The following GRIP1 variants were observed in gnomAD, a reference collection of about 807,000 sequenced individuals.
GRIP1 encodes the protein glutamate receptor interacting protein 1, also known as glutamate receptor-interacting protein 1.
Under a neutral mutation model 129.9 loss-of-function variants are expected in GRIP1, and 45 were observed. The ratio of observed to expected loss-of-function variants is 0.35; its 90% confidence interval spans 0.27 to 0.44. The LOEUF (loss-of-function observed/expected upper bound fraction) is 0.44. Ranked by LOEUF, GRIP1 falls within the 20% of genes least tolerant of loss-of-function variation. The pLI, the probability that GRIP1 is intolerant of heterozygous loss-of-function variation, is 1.00. For missense variants in GRIP1, 1,196 were observed against 1,396.8 expected (o/e 0.86, Z 2.29); for synonymous variants, 530 against 520.8 (o/e 1.02, Z -0.24).
intron 12 of GRIP1, among the ~76,000 whole-genome samples, 180 bp downstream of exon 12, chr12:66,445,142 T>C (rs1247424240): frequency 6.6e-6 from 1 of 152,234 alleles, no homozygotes; most frequent in African/African-American, 2.4e-5. Flanking sequence ...GTTAAAGGCA[T>C]CCATGCTCAT....
intron 10 of GRIP1, 27 bp downstream of exon 10, chr12:66,456,160 C>A (rs772154207): frequency 1.6e-6 from 2 of 1,259,090 alleles, no homozygotes; most frequent in South Asian, 2.5e-5. Flanking sequence ...AAATAAAAGA[C>A]CAGGAGGAGA....
chr12:66,433,922 C>T (rs1339475160), intron 13 of GRIP1, among the ~76,000 whole-genome samples: 2 of 152,140 alleles, frequency 1.3e-5, no homozygotes, highest in African/African-American at 2.4e-5. Flanking sequence ...CACTCAGGCC[C>T]TTAGCTTAAT....
chr12:66,497,626 GT>G (rs2060270553), intron 7 of GRIP1, among the ~76,000 whole-genome samples: 1 of 152,190 alleles, frequency 6.6e-6, no homozygotes, highest in Non-Finnish European at 1.5e-5. Flanking sequence ...TGGAAGTGAT[GT>G]GAAGAGCAGA....
At chr12:66,941,562 T>A (rs1371604434) in intron 1 of GRIP1, among the ~76,000 whole-genome samples, 2 of 152,198 alleles carry the variant, frequency 1.3e-5, no homozygotes, top group Non-Finnish European at 2.9e-5. Context: ...TAAAGCTTTT[T>A]CTACTTCAAA....
At chr12:66,829,987 A>G (rs2039488191) in intron 1 of GRIP1, among the ~76,000 whole-genome samples, 1 of 152,164 alleles carries the variant, frequency 6.6e-6, no homozygotes, top group South Asian at 2.1e-4. Context: ...ACCTGGGTCT[A>G]TTTCCCAAGC....
chr12:66,815,603 A>G (rs1227969501), intron 1 of GRIP1, among the ~76,000 whole-genome samples: 1 of 152,018 alleles, frequency 6.6e-6, no homozygotes, highest in Non-Finnish European at 1.5e-5. Context: ...TCTACAAAAA[A>G]TAAAAGAAAA....
At chr12:66,787,502 C>T (rs1871552) in intron 1 of GRIP1, among the ~76,000 whole-genome samples, 2,126 of 152,190 alleles carry the variant, frequency 0.014, 41 homozygotes, top group African/African-American at 0.048. Flanking sequence ...ATGCTGAAAT[C>T]CTAAACCCTA....
chr12:66,598,113 T>C (rs780810325), intron 1 of GRIP1, among the ~76,000 whole-genome samples: 2 of 152,144 alleles, frequency 1.3e-5, no homozygotes, highest in African/African-American at 4.8e-5. Context: ...CTATTACATA[T>C]AACAAGGATT....
intron 2 of GRIP1, among the ~76,000 whole-genome samples, chr12:66,580,556 G>C (rs2063334165): frequency 6.6e-6 from 1 of 151,442 alleles, no homozygotes; most frequent in Non-Finnish European, 1.5e-5. Context: ...TAAAAGGATG[G>C]AGGAAGATCT....
At chr12:66,473,969 A>G (rs2059524505) in intron 7 of GRIP1, among the ~76,000 whole-genome samples, 1 of 152,170 alleles carries the variant, frequency 6.6e-6, no homozygotes, top group East Asian at 1.9e-4. Flanking sequence ...ACAAAACTGT[A>G]CAGAGAATGA....
chr12:66,560,430 G>T (rs1422646045), intron 2 of GRIP1, among the ~76,000 whole-genome samples: 2 of 151,818 alleles, frequency 1.3e-5, no homozygotes, highest in African/African-American at 2.4e-5. Flanking sequence ...TCTGACAAGG[G>T]ATTAGTAACC....
intron 1 of GRIP1, among the ~76,000 whole-genome samples, chr12:67,008,875 A>AT (rs1473405190): frequency 1.3e-5 from 2 of 152,138 alleles, no homozygotes; most frequent in African/African-American, 4.8e-5. Context: ...CAATATGTGC[A>AT]TATTATAGTC....
At chr12:66,400,875 A>T (rs1184985947) in intron 16 of GRIP1, among the ~76,000 whole-genome samples, 3 of 152,242 alleles carry the variant, frequency 2.0e-5, no homozygotes, top group Non-Finnish European at 4.4e-5. Flanking sequence ...GGCCCTAGCC[A>T]GGTCTTCCAA....
intron 15 of GRIP1, 132 bp from the exon 16 acceptor site, chr12:66,406,560 C>A: frequency 2.2e-6 from 2 of 896,700 alleles, no homozygotes. Context: ...TTAAATTGTA[C>A]TTCATTGACA....
At chr12:67,001,980 A>G (rs1232859399) in intron 1 of GRIP1, among the ~76,000 whole-genome samples, 2 of 152,132 alleles carry the variant, frequency 1.3e-5, no homozygotes, top group African/African-American at 2.4e-5. Flanking sequence ...ACCCAGATGT[A>G]AAACCAAGCT....
chr12:66,842,500 G>T (rs1428476001), intron 1 of GRIP1, among the ~76,000 whole-genome samples: 2 of 152,122 alleles, frequency 1.3e-5, no homozygotes, highest in African/African-American at 4.8e-5. Context: ...AGTCTTCAAT[G>T]AGTTAACAGT....
intron 13 of GRIP1, among the ~76,000 whole-genome samples, chr12:66,438,512 G>T (rs963102131): frequency 3.4e-5 from 4 of 118,318 alleles, no homozygotes; most frequent in Admixed American, 1.8e-4. Flanking sequence ...TTTTGAGACG[G>T]AGTTTTTTTT....
chr12:66,507,754 CCTTT>C (rs145153553), intron 7 of GRIP1, among the ~76,000 whole-genome samples: 2,056 of 150,752 alleles, frequency 0.014, 16 homozygotes, highest in Admixed American at 0.021. Flanking sequence ...ATAGGGCATT[CCTTT>C]CTTTCTTTCT....
chr12:66,398,025 C>A (rs908514100), intron 16 of GRIP1, among the ~76,000 whole-genome samples: 3 of 152,098 alleles, frequency 2.0e-5, no homozygotes, highest in African/African-American at 7.2e-5. Flanking sequence ...ACCATATGGC[C>A]CGTCTGCCCA....
Sources: gnomAD v4.1 joint callset for allele counts (sites outside exome capture counted in the v4.1 genomes callset) on GRCh38, gnomAD v4.1.1 for gene constraint, MANE v1.5 for transcripts, NCBI Gene and HGNC (gene_info 2026-07-23, HGNC 2026-07-21) for gene names.